Variants in KCNQ1 observed in about 807,000 individuals in gnomAD.
KCNQ1 encodes the protein potassium voltage-gated channel subfamily Q member 1.
KCNQ1 carries 49 observed loss-of-function variants against 72.4 expected under a neutral mutation model. That is an observed-to-expected ratio of 0.68 (90% confidence interval 0.54 to 0.86). The LOEUF (loss-of-function observed/expected upper bound fraction) is 0.86. KCNQ1 is among the 40% of genes least tolerant of loss of function. KCNQ1 has a pLI of 0.00. For missense variants in KCNQ1, 790 were observed against 945.1 expected, an observed-to-expected ratio of 0.84 and a Z score of 2.15; for synonymous variants, 450 against 412.6, an observed-to-expected ratio of 1.09 and a Z score of -1.10.
intron 10 of KCNQ1, chr11:2,616,024 C>T (rs927641460): frequency 1.8e-5 from 7 of 397,972 alleles, no homozygotes; most frequent in Non-Finnish European, 2.7e-5. Context: ...GTTACTGATT[C>T]AAACTTTCTA....
chr11:2,499,012 G>A lies in KCNQ1; in HGVS notation c.387-28916G>A, dbSNP rs147168182. Among the ~76,000 whole-genome samples, 88 of 152,260 alleles carry A rather than the reference G, an allele frequency of 5.8e-4. No individual in the cohort carries two copies. In the East Asian group the frequency reaches 7.2e-3, roughly 12 times the overall value. On this transcript the variant is annotated intron_variant, in intron 1 of 15. Transcript: ENST00000155840. The stretch of plus-strand genomic sequence containing the variant: ...GCTCCTTGCACTTCCCAGGTGAGGC[G>A]ATGCCCCACCTGCTTCTGTGTGCCC...
chr11:2,847,378 G>A (rs562551815), intron 15 of KCNQ1, among the ~76,000 whole-genome samples: 5 of 152,198 alleles, frequency 3.3e-5, no homozygotes, highest in South Asian at 2.1e-4. Flanking sequence ...AAAGGCTGCC[G>A]CAAACCCAAA....
chr11:2,784,787 A>G lies in KCNQ1; in HGVS notation c.1794+6750A>G, dbSNP rs76288584. On this transcript the variant is annotated intron_variant, in intron 15 of 15. Coordinates refer to ENST00000155840, the MANE Select transcript of KCNQ1 (RefSeq NM_000218.3). This position sits in a 1 kb window ranked among gnomAD's most constrained non-coding sequence, Gnocchi z 4.7. ...TCCTAAATATTTTATTTGTCATGCT[A>G]GTGTTAATGGAATTGTTTTCTTAAT... Among the ~76,000 whole-genome samples the G allele has an allele frequency of 6.6e-6, 1 of 152,076 alleles. No individual in the cohort carries two copies. Among genetic ancestry groups the G allele is most frequent in the African/African-American group, 2.4e-5 (1 of 41,546 alleles).
intron 6 of KCNQ1, 120 bp from the exon 7 acceptor site, chr11:2,583,314 CT>C: frequency 2.6e-6 from 2 of 768,416 alleles, no homozygotes; most frequent in Non-Finnish European, 2.4e-6. Context: ...CGGGGTCGTC[CT>C]GGTGGTCAGG....
At position 2,647,233 on chromosome 11, in the gene KCNQ1, A is replaced by G. The variant is rs1465359562; in HGVS notation, c.1394-14728A>G. 3 of 398,206 alleles carry G rather than the reference A, an allele frequency of 7.5e-6. No homozygotes were observed. The highest frequency in any genetic ancestry group is 1.3e-5 in the Non-Finnish European group (3 of 226,010). The allele number at this position is 398,206 out of a possible 1,614,324, so 24.7% of individuals were successfully genotyped here. A position where few individuals can be genotyped will look rare whatever the true frequency, so the allele number is the denominator to read the frequency against. Reference sequence around the variant, plus strand: ...TTTTTCTGCATCTATTGAGATGATCATGTATTTTTTTGTCCTTCCTTCTGT... The same window carrying G: ...TTTTTCTGCATCTATTGAGATGATCGTGTATTTTTTTGTCCTTCCTTCTGT... On this transcript the variant is annotated intron_variant, in intron 10 of 15. Coordinates refer to ENST00000155840, the MANE Select transcript of KCNQ1 (RefSeq NM_000218.3). The surrounding 1 kb of genome is among the most constrained non-coding windows in gnomAD (Gnocchi z 4.0).
chr11:2,789,948 C>G (rs118075011), intron 15 of KCNQ1, among the ~76,000 whole-genome samples: 2,740 of 152,296 alleles, frequency 0.018, 73 homozygotes, highest in Non-Finnish European at 0.02. Flanking sequence ...AGAGGCTCCT[C>G]TCTGTGCCAC....
intron 11 of KCNQ1, chr11:2,672,750 G>A (rs1850209182): frequency 5.0e-6 from 2 of 398,632 alleles, no homozygotes; most frequent in South Asian, 2.5e-4. Flanking sequence ...CTTTTTTGCT[G>A]GTCCAGCATG....
intron 11 of KCNQ1, chr11:2,697,027 G>T (rs1564861575): frequency 2.5e-6 from 1 of 398,196 alleles, no homozygotes; most frequent in Non-Finnish European, 4.4e-6. Context: ...ATTCCAGAGA[G>T]CCCCCCAGAC....
intron 11 of KCNQ1, among the ~76,000 whole-genome samples, chr11:2,718,621 C>T (rs895088662): frequency 1.8e-4 from 27 of 152,212 alleles, no homozygotes; most frequent in Admixed American, 1.2e-3. Flanking sequence ...AAGTCGTCTA[C>T]GTGCTTTGTG....
At position 2,544,435 on chromosome 11, in the gene KCNQ1, A is replaced by G. The variant is rs1299053705; in HGVS notation, c.477+16417A>G. ...ATATATATATATGGTTACATACCTAATATGTATATGGTTATATATCTCTTA... is the reference window on the plus strand; with the variant it reads ...ATATATATATATGGTTACATACCTAGTATGTATATGGTTATATATCTCTTA... On this transcript the variant is annotated intron_variant, in intron 2 of 15. Coordinates refer to ENST00000155840, the MANE Select transcript of KCNQ1 (RefSeq NM_000218.3). The surrounding 1 kb of genome is among the most constrained non-coding windows in gnomAD (Gnocchi z 4.4). Among the ~76,000 whole-genome samples, 1 of 151,016 alleles carries G rather than the reference A, an allele frequency of 6.6e-6. No individual in the cohort carries two copies. Among genetic ancestry groups the G allele is most frequent in the East Asian group, 1.9e-4 (1 of 5,166 alleles).
chr11:2,753,341 C>T (rs1846255154), intron 11 of KCNQ1, among the ~76,000 whole-genome samples: 1 of 152,146 alleles, frequency 6.6e-6, no homozygotes, highest in Admixed American at 6.5e-5. Context: ...CGTGTCTGCC[C>T]AGGGAAGGAG....
intron 1 of KCNQ1, among the ~76,000 whole-genome samples, chr11:2,467,092 C>T (rs188511197): frequency 1.5e-3 from 221 of 151,990 alleles, no homozygotes; most frequent in African/African-American, 5.1e-3. Context: ...ACCTGGAGGT[C>T]GGAGGAGCAA....
intron 11 of KCNQ1, chr11:2,699,108 C>A: frequency 2.5e-6 from 1 of 398,666 alleles, no homozygotes; most frequent in Non-Finnish European, 4.4e-6. Context: ...AGCGCGGACT[C>A]AGAACCACGA....
intron 10 of KCNQ1, chr11:2,638,661 G>A (rs1185731692): frequency 6.6e-6 from 1 of 152,146 alleles, no homozygotes; most frequent in East Asian, 1.9e-4. Flanking sequence ...TCTTGGAGTT[G>A]CTCTTCTTGA....
chr11:2,835,394 GACTCACAC>G (rs1241168514), intron 15 of KCNQ1, among the ~76,000 whole-genome samples: 5,366 of 124,972 alleles, frequency 0.043, 116 homozygotes, highest in Middle Eastern at 0.11. Flanking sequence ...TATAAACCCT[GACTCACAC>G]ACACACACAC....
rs989716108 is a variant in KCNQ1 at position 2,536,919 on chromosome 11, C to G, written c.477+8901C>G. 6.6e-6 allele frequency among the ~76,000 whole-genome samples: 1 copy of G among 151,968 alleles called. No homozygotes were observed. Among genetic ancestry groups the G allele is most frequent in the African/African-American group, 2.4e-5 (1 of 41,274 alleles). On this transcript the variant is annotated intron_variant, in intron 2 of 15. Coordinates refer to ENST00000155840, the MANE Select transcript of KCNQ1 (RefSeq NM_000218.3). The surrounding 1 kb of genome is among the most constrained non-coding windows in gnomAD (Gnocchi z 7.4). The stretch of plus-strand genomic sequence containing the variant: ...CAACTGTCTTCTAGATGTAGTACCC[C>G]AATCCCCCCCAGTCCCTCCCTTTAC...
chr11:2,568,230 G>A (rs780464704), intron 2 of KCNQ1, among the ~76,000 whole-genome samples: 34 of 152,158 alleles, frequency 2.2e-4, no homozygotes, highest in Non-Finnish European at 4.0e-4. Flanking sequence ...CCGAGATCAC[G>A]CCACTGCACT....
chr11:2,744,802 C>T (rs1436071911), intron 11 of KCNQ1, among the ~76,000 whole-genome samples: 1 of 152,184 alleles, frequency 6.6e-6, no homozygotes, highest in African/African-American at 2.4e-5. Context: ...TCAGGCCTGT[C>T]GTCGTGTCCA....
chr11:2,645,355 T>C lies in KCNQ1; in HGVS notation c.1394-16606T>C, dbSNP rs1319070417. 1 of 398,608 alleles carries C rather than the reference T, an allele frequency of 2.5e-6. No individual in the cohort carries two copies. The highest frequency in any genetic ancestry group is 4.4e-6 in the Non-Finnish European group (1 of 226,224). 24.7% of individuals were successfully genotyped at this position (398,608 alleles called of 1,614,324 possible). ...GTGATCCCTAGGCCCAGAGATGGTA[T>C]GCGCTGGCACTGGGAGAAAAGAGGG... On this transcript the variant is annotated intron_variant, in intron 10 of 15. Transcript: ENST00000155840. This position sits in a 1 kb window ranked among gnomAD's most constrained non-coding sequence, Gnocchi z 5.8.
Sources: allele counts gnomAD v4.1 joint callset (sites outside exome capture counted in the v4.1 genomes callset), GRCh38; gene constraint gnomAD v4.1.1; non-coding constraint Gnocchi (gnomAD v3.1); transcripts MANE v1.5; gene names NCBI Gene and HGNC (gene_info 2026-07-23, HGNC 2026-07-21).